Variants in KMO observed in about 807,000 individuals in gnomAD.
The protein encoded by KMO is kynurenine 3-hydroxylase.
In KMO, 24 loss-of-function variants were observed where a neutral mutation model predicts 57.8. The observed-to-expected ratio is 0.42, with a 90% confidence interval of 0.30 to 0.58. KMO has a LOEUF of 0.58. Ranked by LOEUF, KMO falls within the 20% of genes least tolerant of loss-of-function variation. KMO has a pLI of 0.22. For synonymous variants in KMO, 210 were observed against 193.6 expected (o/e 1.08, Z -0.70); for missense variants, 483 against 588.2 (o/e 0.82, Z 1.85).
intron 2 of KMO, among the ~76,000 whole-genome samples, chr1:241,549,470 A>T (rs1661316787): frequency 6.6e-6 from 1 of 152,014 alleles, no homozygotes; most frequent in African/African-American, 2.4e-5. Context: ...CGCTTTTCTT[A>T]AAAAAACTAG....
intron 10 of KMO, among the ~76,000 whole-genome samples, chr1:241,577,578 T>A (rs1172856084): frequency 6.6e-6 from 1 of 152,116 alleles, no homozygotes; most frequent in Non-Finnish European, 1.5e-5. Flanking sequence ...AGTAGCAATG[T>A]GCTTGGTGTG....
chr1:241,592,119 C>T lies in KMO; in HGVS notation c.1427C>T (p.Ser476Phe). Residue 476 changes from serine to phenylalanine, a missense_variant, in exon 15 of 15, where the codon TCC becomes TTC. Coordinates refer to ENST00000366559, the MANE Select transcript of KMO (RefSeq NM_003679.5). ...TGTTTCCCCGCAAAGGCCGTGGACT[C>T]CCTAGAACAAATTTCCAATCTCATT... Reference protein sequence around the residue: ...TTCFPAKAVDSLEQISNLISR With the variant: ...TTCFPAKAVDFLEQISNLISR 3 of 1,613,824 alleles carry T rather than the reference C, an allele frequency of 1.9e-6. No individual in the cohort carries two copies. Among genetic ancestry groups the T allele is most frequent in the African/African-American group, 1.3e-5 (1 of 74,982 alleles).
At chr1:241,534,752 C>T (rs1660695676) in intron 1 of KMO, among the ~76,000 whole-genome samples, 1 of 152,204 alleles carries the variant, frequency 6.6e-6, no homozygotes. Context: ...CCATACTACA[C>T]ACCACAGCCA....
rs151169647 is a variant in KMO, at chr1:241,594,485, G to A, written c.*2332G>A. The A allele has an allele frequency of 9.0e-5, 146 of 1,614,010 alleles. No homozygotes were observed. Among genetic ancestry groups the A allele is most frequent in the Non-Finnish European group, 9.5e-5 (112 of 1,179,916 alleles). On this transcript the variant is annotated 3_prime_UTR_variant, in exon 15 of 15. Transcript: ENST00000366559. ...TGGACCCATTGGTTTTGTCGCTGTCGTCAACTGACAGTGATTCATCACTGG... is the reference window on the plus strand; with the variant it reads ...TGGACCCATTGGTTTTGTCGCTGTCATCAACTGACAGTGATTCATCACTGG...
intron 5 of KMO, among the ~76,000 whole-genome samples, chr1:241,559,308 C>G (rs954874038): frequency 6.6e-6 from 1 of 152,032 alleles, no homozygotes; most frequent in Non-Finnish European, 1.5e-5. Flanking sequence ...GGCAGCATAG[C>G]CCAAGACAGA....
chr1:241,563,420 T>C (rs1247234943), intron 7 of KMO, among the ~76,000 whole-genome samples: 2 of 152,218 alleles, frequency 1.3e-5, no homozygotes, highest in South Asian at 4.1e-4. Flanking sequence ...AAACAGCTAG[T>C]CAATATGGGA....
At chr1:241,548,966 G>T in intron 2 of KMO, 68 bp downstream of exon 2, 1 of 1,004,430 alleles carries the variant, frequency 1.0e-6, no homozygotes, top group Non-Finnish European at 1.6e-6. Context: ...TGGGAGGCCA[G>T]GGCACATGGA....
rs1331769097 is a variant in KMO, at chr1:241,592,751, CT to C, written c.*599del. The C allele has an allele frequency of 7.6e-4, 109 of 143,656 alleles. No homozygotes were observed. The highest frequency in any genetic ancestry group is 2.3e-3 in the African/African-American group (87 of 37,592). 8.9% of individuals were successfully genotyped at this position (143,656 alleles called of 1,614,324 possible). ...ATCTATCTATCATCTATCTATCTAT[CT>C]ATCATCTATCTATCTATCTATCTAT... On this transcript the variant is annotated 3_prime_UTR_variant, in exon 15 of 15. Transcript: ENST00000366559.
chr1:241,584,033 G>C (rs746285971), intron 10 of KMO, among the ~76,000 whole-genome samples: 5 of 152,128 alleles, frequency 3.3e-5, no homozygotes, highest in East Asian at 3.9e-4. Context: ...ACAATGTGCA[G>C]GTTTGTTACA....
At chr1:241,573,535 C>T (rs144203096) in intron 10 of KMO, among the ~76,000 whole-genome samples, 15 of 152,192 alleles carry the variant, frequency 9.9e-5, no homozygotes, top group African/African-American at 3.6e-4. Context: ...ATAGGGTGTC[C>T]TTGCCTCAAT....
rs113378997 is a variant in KMO at position 241,548,910 on chromosome 1, G to A, written c.124+12G>A. ...TGAAGCTAGGGAAGGTACGTCCATG[G>A]TGAAAAAAGCAGGATGAACGCTGGG... On this transcript the variant is annotated intron_variant, in intron 2 of 14. Coordinates refer to ENST00000366559, the MANE Select transcript of KMO (RefSeq NM_003679.5). 4.9e-4 allele frequency: 780 copies of A among 1,590,110 alleles called. 2 individuals are homozygous for A. The African/African-American group carries it at 9.4e-3, about 19-fold the overall frequency.
At position 241,539,633 on chromosome 1, in the gene KMO, A is replaced by G. The variant is rs547458636; in HGVS notation, c.54+7135A>G. Among the ~76,000 whole-genome samples, 21 of 152,318 alleles carry G rather than the reference A, an allele frequency of 1.4e-4. No homozygotes were observed. In the South Asian group the frequency reaches 3.7e-3, roughly 27 times the overall value. On this transcript the variant is annotated intron_variant, in intron 1 of 14. Transcript: ENST00000366559. ...TGCAGTTATTCCAAAAGCAAGACAA[A>G]GGAAGATTGAGCAGGCTCCTCTTAC...
chr1:241,553,362 G>T (rs893608098), intron 4 of KMO, among the ~76,000 whole-genome samples: 1 of 152,166 alleles, frequency 6.6e-6, no homozygotes, highest in African/African-American at 2.4e-5. Flanking sequence ...GACTGATGTG[G>T]AAAGAAAATA....
chr1:241,564,944 C>A, intron 7 of KMO, 43 bp from the exon 8 acceptor site: 1 of 1,229,344 alleles, frequency 8.1e-7, no homozygotes, highest in Middle Eastern at 1.9e-4. Flanking sequence ...TATAGGTTTG[C>A]TATATGAATG....
chr1:241,563,676 G>A (rs528961791), intron 7 of KMO, among the ~76,000 whole-genome samples: 2 of 152,200 alleles, frequency 1.3e-5, no homozygotes, highest in Admixed American at 6.5e-5. Flanking sequence ...ATTTAAGAAA[G>A]CCCTTTATTT....
rs557108411 is a variant in KMO, at chr1:241,564,651, G to A, written c.616-336G>A. On this transcript the variant is annotated intron_variant, in intron 7 of 14. Transcript: ENST00000366559. ...CACATCTAGATATGTGCATGTGTGT[G>A]TACATATATACCAGGTATAATTATA... 9.9e-5 allele frequency among the ~76,000 whole-genome samples: 15 copies of A among 152,016 alleles called. No individual in the cohort carries two copies. In the East Asian group the frequency reaches 2.7e-3, roughly 27 times the overall value.
chr1:241,536,733 C>A (rs1345735676), intron 1 of KMO, among the ~76,000 whole-genome samples: 5 of 152,156 alleles, frequency 3.3e-5, no homozygotes, highest in Non-Finnish European at 7.3e-5. Context: ...GTGATCTACT[C>A]TCCCTATGTT....
At chr1:241,585,695 T>C (rs1662947517) in intron 10 of KMO, among the ~76,000 whole-genome samples, 1 of 150,550 alleles carries the variant, frequency 6.6e-6, no homozygotes, top group African/African-American at 2.4e-5. Flanking sequence ...AGGTGGAGAT[T>C]GAAGTGAGCC....
At chr1:241,583,398 G>A (rs1457720527) in intron 10 of KMO, among the ~76,000 whole-genome samples, 1 of 152,148 alleles carries the variant, frequency 6.6e-6, no homozygotes, top group African/African-American at 2.4e-5. Context: ...ATTCCCTTCT[G>A]CCCCAGGGTG....
Sources: allele counts gnomAD v4.1 joint callset (sites outside exome capture counted in the v4.1 genomes callset), GRCh38; gene constraint gnomAD v4.1.1; transcripts MANE v1.5; gene names NCBI Gene and HGNC (gene_info 2026-07-23, HGNC 2026-07-21).